Variants in LRP8 observed in about 807,000 individuals in gnomAD.
LRP8 encodes the protein LDL receptor related protein 8, also known as low-density lipoprotein receptor-related protein 8.
In LRP8, 46 loss-of-function variants were observed where a neutral mutation model predicts 111.6. That is an observed-to-expected ratio of 0.41 (90% CI 0.33 to 0.53). The LOEUF (loss-of-function observed/expected upper bound fraction) is 0.53, where lower values mean the gene tolerates loss of function less well. LRP8 is among the 20% of genes least tolerant of loss of function. The pLI is 0.20. For synonymous variants in LRP8, 464 were observed against 511.2 expected (o/e 0.91, Z 1.24); for missense variants, 959 against 1,297.4 (o/e 0.74, Z 4.01).
intron 2 of LRP8, among the ~76,000 whole-genome samples, chr1:53,319,846 T>C (rs1283937499): frequency 6.6e-6 from 1 of 152,220 alleles, no homozygotes; most frequent in Non-Finnish European, 1.5e-5. Flanking sequence ...CACTAGCAGG[T>C]GCTGGCAAAG....
intron 2 of LRP8, among the ~76,000 whole-genome samples, chr1:53,326,472 G>A (rs1383971848): frequency 6.6e-6 from 1 of 152,252 alleles, no homozygotes; most frequent in East Asian, 1.9e-4. Context: ...GCGGCCCGGA[G>A]CTGCGTGGAA....
chr1:53,316,348 T>TA (rs772793994), intron 2 of LRP8, among the ~76,000 whole-genome samples: 7 of 152,118 alleles, frequency 4.6e-5, no homozygotes, highest in Non-Finnish European at 1.0e-4. Context: ...GAGTGTTGCA[T>TA]AGGCAGCTGA....
chr1:53,271,312 G>A lies in LRP8; in HGVS notation c.1041C>T (p.Cys347=), dbSNP rs1478939355. 7 of 1,614,036 alleles carry A rather than the reference G, an allele frequency of 4.3e-6. No homozygotes were observed. Among genetic ancestry groups the A allele is most frequent in the East Asian group, 4.5e-5 (2 of 44,872 alleles). Residue 347 remains cysteine (C), a synonymous_variant, in exon 7 of 19, where the codon TGC becomes TGT. Coordinates refer to ENST00000306052, the MANE Select transcript of LRP8 (RefSeq NM_004631.5). ...LNECLHNNGG[C]SHICTDLKIG... The stretch of plus-strand genomic sequence containing the variant: ...TCTTGAGGTCAGTGCAGATGTGTGA[G>A]CAGCCGCCATTGTTGTGCAGACACT...
In LRP8 at chr1:53,249,482, G is replaced by A; in HGVS notation, c.2751C>T (p.Ala917=). ...LGETREPEDP[A]PALKELFVLP... ...AGACAAAAAGCTCCTTGAGGGCAGG[G>A]GCTGGGTCTTCCGGTTCTCTGGTCT... Residue 917 remains alanine (A), a synonymous_variant, in exon 18 of 19, where the codon GCC becomes GCT. Coordinates refer to ENST00000306052, the MANE Select transcript of LRP8 (RefSeq NM_004631.5). This position sits in a 1 kb window ranked among gnomAD's most constrained non-coding sequence, Gnocchi z 4.1. 1 of 1,613,600 alleles carries A rather than the reference G, an allele frequency of 6.2e-7. No individual in the cohort carries two copies. Among genetic ancestry groups the A allele is most frequent in the Non-Finnish European group, 8.5e-7 (1 of 1,179,504 alleles).
At position 53,249,529 on chromosome 1, in the gene LRP8, A is replaced by G. The variant is rs1184600921; in HGVS notation, c.2704T>C (p.Trp902Arg). The change falls in exon 18 of 19, where the codon TGG (tryptophan) becomes CGG (arginine). Residue 902 changes from tryptophan to arginine, a missense_variant. Coordinates refer to ENST00000306052, the MANE Select transcript of LRP8 (RefSeq NM_004631.5). The surrounding 1 kb of genome is among the most constrained non-coding windows in gnomAD (Gnocchi z 4.1). ...GTCTCCCCAAGACAGGGCTCTGCCC[A>G]CAGTGGGCGATCAAAGCTGCTGATT... ...AAISSFDRPLWAEPCLGETRE... is the reference protein window; with the variant it reads ...AAISSFDRPLRAEPCLGETRE... 2 of 1,610,122 alleles carry G rather than the reference A, an allele frequency of 1.2e-6. No homozygotes were observed. The highest frequency in any genetic ancestry group is 3.4e-5 in the Admixed American group (2 of 59,396).
Position 53,293,233 on chromosome 1 carries a change from C to A in LRP8, c.245-3544G>T, listed in dbSNP as rs1649110135. On this transcript the variant is annotated intron_variant, in intron 2 of 18. Transcript: ENST00000306052. The surrounding 1 kb of genome is among the most constrained non-coding windows in gnomAD (Gnocchi z 4.9). ...CCCTGGCAGGCACTGGGCAAGGAGG[C>A]CAGAGCAGCCAAAAACACCACTGCT... Among the ~76,000 whole-genome samples the A allele has an allele frequency of 6.6e-6, 1 of 150,700 alleles. No individual in the cohort carries two copies. Among genetic ancestry groups the A allele is most frequent in the South Asian group, 2.1e-4 (1 of 4,758 alleles).
intron 18 of LRP8, among the ~76,000 whole-genome samples, chr1:53,247,301 T>A (rs1026195335): frequency 3.3e-5 from 5 of 152,240 alleles, no homozygotes; most frequent in Non-Finnish European, 4.4e-5. Flanking sequence ...CAGGTCTGTA[T>A]GAATCCAAAG....
chr1:53,264,723 G>C (rs1356827243), intron 9 of LRP8, among the ~76,000 whole-genome samples: 1 of 152,204 alleles, frequency 6.6e-6, no homozygotes. Context: ...GAGGGCGGGA[G>C]AAGGCTTTAT....
At chr1:53,306,681 T>C (rs2100511038) in intron 2 of LRP8, among the ~76,000 whole-genome samples, 1 of 152,288 alleles carries the variant, frequency 6.6e-6, no homozygotes, top group East Asian at 1.9e-4. Flanking sequence ...ACCAGGCAGA[T>C]GGTTCTGAGG....
intron 15 of LRP8, among the ~76,000 whole-genome samples, 166 bp downstream of exon 15, chr1:53,257,074 T>C (rs1402636874): frequency 6.6e-6 from 1 of 152,060 alleles, no homozygotes; most frequent in African/African-American, 2.4e-5. Flanking sequence ...CACCTATGAG[T>C]CCTAAATCGC....
intron 2 of LRP8, among the ~76,000 whole-genome samples, chr1:53,325,960 G>A (rs61769652): frequency 6.6e-6 from 1 of 152,268 alleles, no homozygotes; most frequent in East Asian, 1.9e-4. Context: ...ACTAGCTCCC[G>A]GTCCCGCAGA....
intron 4 of LRP8, among the ~76,000 whole-genome samples, chr1:53,280,190 C>T (rs754970584): frequency 5.4e-4 from 82 of 152,228 alleles, no homozygotes; most frequent in Non-Finnish European, 8.8e-4. Context: ...CAGCACCCTC[C>T]CTGGTCCCCC....
Position 53,295,705 on chromosome 1 carries a change from C to T in LRP8, c.245-6016G>A, listed in dbSNP as rs770246749. 7.9e-5 allele frequency among the ~76,000 whole-genome samples: 12 copies of T among 152,194 alleles called. No individual in the cohort carries two copies. The South Asian group carries it at 8.3e-4, about 11-fold the overall frequency. ...CCCCCTTGGAGATGCATGATGCCCA[C>T]GGTTTATAAAGGCCCTGGGAAGGAC... On this transcript the variant is annotated intron_variant, in intron 2 of 18. Transcript: ENST00000306052.
chr1:53,280,121 C>T (rs972825998), intron 4 of LRP8, among the ~76,000 whole-genome samples: 16 of 152,194 alleles, frequency 1.1e-4, no homozygotes, highest in Admixed American at 7.9e-4. Context: ...CTCAGGAATC[C>T]GTCCCCCTCC....
rs1351884461 is a variant in LRP8 at position 53,293,438 on chromosome 1, C to T, written c.245-3749G>A. Among the ~76,000 whole-genome samples the T allele has an allele frequency of 1.3e-5, 2 of 152,264 alleles. No individual in the cohort carries two copies. Among genetic ancestry groups the T allele is most frequent in the African/African-American group, 2.4e-5 (1 of 41,466 alleles). ...CACCTTTCACCCAATATCCCAGTGACTCCTCACAGCTATCTTGGTAGCTGT... is the reference window on the plus strand; with the variant it reads ...CACCTTTCACCCAATATCCCAGTGATTCCTCACAGCTATCTTGGTAGCTGT... On this transcript the variant is annotated intron_variant, in intron 2 of 18. Coordinates refer to ENST00000306052, the MANE Select transcript of LRP8 (RefSeq NM_004631.5). The surrounding 1 kb of genome is among the most constrained non-coding windows in gnomAD (Gnocchi z 4.9).
chr1:53,261,764 G>A (rs1646348029), intron 12 of LRP8, among the ~76,000 whole-genome samples: 2 of 152,164 alleles, frequency 1.3e-5, no homozygotes, highest in African/African-American at 4.8e-5. Context: ...GGTGCCTTTT[G>A]TATATGGGTT....
chr1:53,289,292 C>A, intron 3 of LRP8: 1 of 308,236 alleles, frequency 3.2e-6, no homozygotes, highest in Non-Finnish European at 6.2e-6. Flanking sequence ...CTGGAGGACA[C>A]GCTAGGGCTC....
intron 1 of LRP8, 67 bp from the exon 2 acceptor site, chr1:53,327,059 G>T (rs972626239): frequency 5.7e-5 from 90 of 1,581,494 alleles, no homozygotes; most frequent in Non-Finnish European, 7.1e-5. Context: ...TGCAGTCCGG[G>T]CCACCCGGAA....
At chr1:53,304,825 G>A (rs920704931) in intron 2 of LRP8, among the ~76,000 whole-genome samples, 2 of 152,224 alleles carry the variant, frequency 1.3e-5, no homozygotes, top group Non-Finnish European at 2.9e-5. Context: ...TGGGAGGCAA[G>A]AAGAGGAAAG....
Sources: gnomAD v4.1 joint callset for allele counts (sites outside exome capture counted in the v4.1 genomes callset) on GRCh38, gnomAD v4.1.1 for gene constraint, Gnocchi (gnomAD v3.1) non-coding constraint, MANE v1.5 for transcripts, NCBI Gene and HGNC (gene_info 2026-07-23, HGNC 2026-07-21) for gene names.